Variants in TSHZ3 observed in about 807,000 individuals in gnomAD.
TSHZ3 encodes teashirt homolog 3.
TSHZ3 carries 10 observed loss-of-function variants against 64.5 expected under a neutral mutation model. The ratio of observed to expected loss-of-function variants is 0.16; its 90% CI spans 0.10 to 0.26. TSHZ3 has a LOEUF of 0.26. Among genes scored for constraint, TSHZ3 ranks in the 10% least tolerant of loss-of-function variants. The pLI, the probability that TSHZ3 is intolerant of heterozygous loss-of-function variation, is 1.00. For synonymous variants in TSHZ3, 608 were observed against 593.1 expected, an observed-to-expected ratio of 1.03 and a Z score of -0.36; for missense variants, 1,242 against 1,421.7, an observed-to-expected ratio of 0.87 and a Z score of 2.03.
intron 5 of TSHZ3, among the ~76,000 whole-genome samples, chr19:31,199,400 C>CAAAAAAAAAAAAAAAAAA (rs61428496): frequency 2.0e-5 from 2 of 98,578 alleles, no homozygotes; most frequent in African/African-American, 7.9e-5. Context: ...GAGACTCCGC[C>CAAAAAAAAAAAAAAAAAA]AAAAAAAAAA....
chr19:31,192,249 G>A (rs1383621774), intron 5 of TSHZ3, among the ~76,000 whole-genome samples: 1 of 152,148 alleles, frequency 6.6e-6, no homozygotes, highest in Non-Finnish European at 1.5e-5. Context: ...AAAAGCAGAA[G>A]GCACATTTAG....
chr19:31,278,010 G>A lies in TSHZ3; in HGVS notation c.1783C>T (p.Pro595Ser), dbSNP rs745874145. The A allele has an allele frequency of 8.7e-6, 14 of 1,614,070 alleles. No individual in the cohort carries two copies. The highest frequency in any genetic ancestry group is 3.3e-5 in the South Asian group (3 of 91,086). The change falls in exon 2 of 2, where the codon CCC (proline) becomes TCC (serine). Residue 595 changes from proline to serine, a missense_variant. Pro to Ser is a moderately conservative substitution (Grantham distance 74). This residue lies in a region of TSHZ3 where 550 missense variants were observed against 545.1 expected (regional missense o/e 1.01). Transcript: ENST00000240587. The surrounding 1 kb of genome is among the most constrained non-coding windows in gnomAD (Gnocchi z 4.7). Reference protein sequence around the residue: ...PTKNQTLVSPPSSQTSPMPKT... With the variant: ...PTKNQTLVSPSSSQTSPMPKT... Reference sequence around the variant, plus strand: ...GGCATGGGGGACGTCTGGCTGCTGGGTGGAGAGACCAGGGTCTGGTTTTTC... The same window carrying A: ...GGCATGGGGGACGTCTGGCTGCTGGATGGAGAGACCAGGGTCTGGTTTTTC...
chr19:31,201,869 A>C (rs1376860790), intron 5 of TSHZ3, among the ~76,000 whole-genome samples: 2 of 152,118 alleles, frequency 1.3e-5, no homozygotes, highest in Non-Finnish European at 2.9e-5. Context: ...CAAATTAAAA[A>C]CCCATAAAAA....
chr19:31,258,117 A>G (rs1224298170), intron 1 of TSHZ3, among the ~76,000 whole-genome samples: 4 of 152,130 alleles, frequency 2.6e-5, no homozygotes, highest in Non-Finnish European at 2.9e-5. Flanking sequence ...ATTCCCCTCT[A>G]CCAGAGGCGA....
chr19:31,298,619 C>T (rs1976701270), intron 1 of TSHZ3, among the ~76,000 whole-genome samples: 1 of 152,120 alleles, frequency 6.6e-6, no homozygotes, highest in Admixed American at 6.5e-5. Context: ...TTTGTGGGGC[C>T]TTGCACTCCT....
intron 1 of TSHZ3, among the ~76,000 whole-genome samples, chr19:31,265,041 G>T (rs1431445524): frequency 6.6e-6 from 1 of 152,012 alleles, no homozygotes; most frequent in Non-Finnish European, 1.5e-5. Flanking sequence ...TACACTTCTG[G>T]CCCAAGGAGG....
intron 4 of TSHZ3, among the ~76,000 whole-genome samples, chr19:31,223,366 G>A (rs1310948041): frequency 1.6e-4 from 3 of 18,600 alleles, no homozygotes; most frequent in Admixed American, 8.6e-4. Context: ...TTCTTATAAC[G>A]TGTGTGTGTG....
intron 1 of TSHZ3, among the ~76,000 whole-genome samples, chr19:31,300,514 G>A (rs1428772507): frequency 6.6e-6 from 1 of 152,174 alleles, no homozygotes; most frequent in Non-Finnish European, 1.5e-5. Flanking sequence ...AGCTTGGAAA[G>A]TAGCTAGGTT....
At chr19:31,334,232 G>A (rs1312113465) in intron 1 of TSHZ3, among the ~76,000 whole-genome samples, 3 of 152,046 alleles carry the variant, frequency 2.0e-5, no homozygotes, top group Admixed American at 6.5e-5. Flanking sequence ...TAACACCACC[G>A]CAGCCTCATC....
intron 4 of TSHZ3, among the ~76,000 whole-genome samples, chr19:31,211,434 T>C (rs930680230): frequency 6.6e-6 from 1 of 151,986 alleles, no homozygotes; most frequent in Non-Finnish European, 1.5e-5. Context: ...GGTCAGGAGT[T>C]AGAGGGACAC....
chr19:31,158,564 G>A (rs1341788389), intron 5 of TSHZ3, among the ~76,000 whole-genome samples: 1 of 152,126 alleles, frequency 6.6e-6, no homozygotes, highest in African/African-American at 2.4e-5. Context: ...TGGAAGACAA[G>A]GTTTCCACGA....
chr19:31,221,639 G>C (rs1484557769), intron 4 of TSHZ3, among the ~76,000 whole-genome samples: 1 of 152,086 alleles, frequency 6.6e-6, no homozygotes, highest in Non-Finnish European at 1.5e-5. Flanking sequence ...CTCCTGTAAT[G>C]CTTTCTCTTC....
chr19:31,173,744 T>G (rs1336368438), intron 5 of TSHZ3, among the ~76,000 whole-genome samples: 1 of 152,178 alleles, frequency 6.6e-6, no homozygotes. Flanking sequence ...TAGTCAAGGT[T>G]TTCCAGAGAA....
intron 1 of TSHZ3, among the ~76,000 whole-genome samples, chr19:31,283,022 T>TTA: frequency 6.6e-6 from 1 of 152,278 alleles, no homozygotes; most frequent in East Asian, 1.9e-4. Context: ...ACCCACTGGT[T>TTA]CTCCCCTCCA....
intron 5 of TSHZ3, among the ~76,000 whole-genome samples, chr19:31,193,678 G>A (rs935435089): frequency 2.6e-5 from 4 of 152,102 alleles, no homozygotes; most frequent in Non-Finnish European, 4.4e-5. Flanking sequence ...AGGACAGTGC[G>A]AGCCTTTGTA....
chr19:31,154,265 T>C (rs995832703), intron 6 of TSHZ3, among the ~76,000 whole-genome samples: 5 of 152,196 alleles, frequency 3.3e-5, no homozygotes, highest in Non-Finnish European at 7.3e-5. Context: ...ACCACTGACA[T>C]GGTGTATTTG....
chr19:31,324,086 C>G (rs891143034), intron 1 of TSHZ3, among the ~76,000 whole-genome samples: 5 of 152,138 alleles, frequency 3.3e-5, no homozygotes, highest in African/African-American at 1.2e-4. Context: ...GGCTCTCCGC[C>G]CCTACATCAA....
intron 5 of TSHZ3, among the ~76,000 whole-genome samples, chr19:31,180,014 G>A (rs1007977724): frequency 1.3e-5 from 2 of 152,108 alleles, no homozygotes; most frequent in African/African-American, 4.8e-5. Context: ...GCTGGCCTCT[G>A]CTCCCTTGGA....
At chr19:31,255,780 A>G (rs2145194835) in intron 1 of TSHZ3, among the ~76,000 whole-genome samples, 1 of 152,274 alleles carries the variant, frequency 6.6e-6, no homozygotes, top group South Asian at 2.1e-4. Context: ...GTCCTTAGAA[A>G]TCTGGGGGCA....
Sources: allele counts gnomAD v4.1 joint callset (sites outside exome capture counted in the v4.1 genomes callset), GRCh38; gene constraint gnomAD v4.1.1; regional missense constraint gnomAD v4.1.1; non-coding constraint Gnocchi (gnomAD v3.1); transcripts MANE v1.5; gene names NCBI Gene and HGNC (gene_info 2026-07-23, HGNC 2026-07-21).